The following CCSER1 variants were observed in gnomAD, a reference collection of about 807,000 sequenced individuals.
The protein encoded by CCSER1 is serine-rich coiled-coil domain-containing protein 1.
CCSER1 carries 41 observed loss-of-function variants against 82.0 expected under a neutral mutation model. That is an observed-to-expected ratio of 0.50 (90% confidence interval 0.39 to 0.65). The LOEUF is 0.65. CCSER1 is among the 30% of genes least tolerant of loss of function. The pLI is 0.00. For synonymous variants in CCSER1, 414 were observed against 383.9 expected (o/e 1.08, Z -0.92); for missense variants, 1,119 against 1,064.2 (o/e 1.05, Z -0.72).
In CCSER1 at chr4:91,579,645, A is replaced by G. The variant is rs117649425; in HGVS notation, c.2218-18927A>G. 3.2e-4 allele frequency among the ~76,000 whole-genome samples: 49 copies of G among 151,900 alleles called. 2 individuals are homozygous for G. The East Asian group carries it at 9.3e-3, about 29-fold the overall frequency. ...GCTAGCCATTACATCAAGAGCAGGT[A>G]AATAATATTCATTTTCCTAAACCCT... On this transcript the variant is annotated intron_variant, in intron 10 of 10. Coordinates refer to ENST00000509176, the MANE Select transcript of CCSER1 (RefSeq NM_001145065.2).
At chr4:90,573,157 T>C (rs1198604826) in intron 5 of CCSER1, among the ~76,000 whole-genome samples, 1 of 152,202 alleles carries the variant, frequency 6.6e-6, no homozygotes, top group Admixed American at 6.5e-5. Context: ...CTGTGGCCAA[T>C]ATGGCACATG....
chr4:90,224,457 G>A (rs1464425985), intron 1 of CCSER1, among the ~76,000 whole-genome samples: 3 of 152,132 alleles, frequency 2.0e-5, no homozygotes, highest in Admixed American at 6.5e-5. Context: ...ATCTAGAAGT[G>A]TCTTTTGTGG....
intron 5 of CCSER1, among the ~76,000 whole-genome samples, chr4:90,509,031 A>G (rs570594023): frequency 2.0e-5 from 3 of 152,208 alleles, no homozygotes; most frequent in South Asian, 2.1e-4. Context: ...GTAAATAAAT[A>G]AATCACACAC....
intron 10 of CCSER1, among the ~76,000 whole-genome samples, chr4:91,560,262 G>C (rs1012143428): frequency 1.3e-5 from 2 of 148,478 alleles, no homozygotes; most frequent in East Asian, 4.0e-4. Context: ...ACATTATTTA[G>C]TTTGTGCACT....
At chr4:91,349,682 C>T (rs1351590140) in intron 10 of CCSER1, among the ~76,000 whole-genome samples, 1 of 151,602 alleles carries the variant, frequency 6.6e-6, no homozygotes, top group Admixed American at 6.5e-5. Context: ...TTTTCTCTTC[C>T]CCTGCTGGAA....
intron 5 of CCSER1, among the ~76,000 whole-genome samples, chr4:90,525,966 C>A (rs1364413589): frequency 2.6e-5 from 4 of 152,034 alleles, no homozygotes; most frequent in Non-Finnish European, 1.5e-5. Context: ...TTTGTAGCAT[C>A]TATATTATTA....
intron 4 of CCSER1, 72 bp downstream of exon 4, chr4:90,400,201 C>T: frequency 1.3e-6 from 1 of 758,238 alleles, no homozygotes; most frequent in Non-Finnish European, 2.2e-6. Flanking sequence ...ATAGCCTAAA[C>T]ACTGTTAAGG....
In CCSER1 at chr4:91,325,306, G is replaced by A. The variant is rs1379083222; in HGVS notation, c.2217+239312G>A. 1.1e-5 allele frequency: 4 copies of A among 374,530 alleles called. No individual in the cohort carries two copies. The Admixed American group carries it at 1.5e-4, about 14-fold the overall frequency. The allele number at this position is 374,530 out of a possible 1,614,324, so 23.2% of individuals were successfully genotyped here. ...TTACAAAGGCTTTTTTCCCAAAGAA[G>A]CTTTACTTGGAAAATGAAGCCATTT... On this transcript the variant is annotated intron_variant, in intron 10 of 10. Coordinates refer to ENST00000509176, the MANE Select transcript of CCSER1 (RefSeq NM_001145065.2).
chr4:90,442,460 C>T (rs1760026384), intron 4 of CCSER1, among the ~76,000 whole-genome samples: 2 of 151,676 alleles, frequency 1.3e-5, no homozygotes, highest in African/African-American at 4.9e-5. Context: ...AACTCTAGTT[C>T]CACAGAGTTT....
At chr4:91,188,642 T>C (rs573923352) in intron 10 of CCSER1, among the ~76,000 whole-genome samples, 3 of 152,200 alleles carry the variant, frequency 2.0e-5, no homozygotes, top group Non-Finnish European at 4.4e-5. Context: ...GTCTCAGTCA[T>C]GTTCGCTGGT....
chr4:90,538,730 T>C (rs1483041270), intron 5 of CCSER1, among the ~76,000 whole-genome samples: 1 of 152,098 alleles, frequency 6.6e-6, no homozygotes, highest in Admixed American at 6.5e-5. Context: ...AATTGAAATA[T>C]TTGAAATATT....
At chr4:90,244,866 T>C (rs1227287587) in intron 1 of CCSER1, among the ~76,000 whole-genome samples, 1 of 152,118 alleles carries the variant, frequency 6.6e-6, no homozygotes. Context: ...CTTAGAAATA[T>C]GTTTAGAGGT....
chr4:91,187,037 G>A (rs1245833876), intron 10 of CCSER1, among the ~76,000 whole-genome samples: 1 of 152,222 alleles, frequency 6.6e-6, no homozygotes, highest in African/African-American at 2.4e-5. Flanking sequence ...GGAGTGTCCT[G>A]ATTTTCCAGG....
intron 9 of CCSER1, among the ~76,000 whole-genome samples, chr4:91,068,771 G>T (rs1352045057): frequency 6.6e-6 from 1 of 152,156 alleles, no homozygotes; most frequent in Non-Finnish European, 1.5e-5. Flanking sequence ...TAAAAGAAAA[G>T]CATTGAGACT....
rs1345686159 is a variant in CCSER1 at position 91,605,278 on chromosome 4, A to G, written c.*6221A>G. 6.6e-6 allele frequency: 1 copy of G among 152,118 alleles called. No homozygotes were observed. Among genetic ancestry groups the G allele is most frequent in the Non-Finnish European group, 1.5e-5 (1 of 67,978 alleles). The allele number at this position is 152,118 out of a possible 1,614,324, so 9.4% of individuals were successfully genotyped here. ...AATATGCATATTTCCTGCTCATAAT[A>G]AATTTTAAAACAACAAATTAGTTGT... On this transcript the variant is annotated 3_prime_UTR_variant, in exon 11 of 11. Coordinates refer to ENST00000509176, the MANE Select transcript of CCSER1 (RefSeq NM_001145065.2).
Position 90,932,958 on chromosome 4 carries a change from GAAAGAAAGAAAGAAAGAAAGAAAGAGAA to G in CCSER1, c.2172+9513_2172+9540del, listed in dbSNP as rs1561384557. On this transcript the variant is annotated intron_variant, in intron 9 of 10. Coordinates refer to ENST00000509176, the MANE Select transcript of CCSER1 (RefSeq NM_001145065.2). ...AGAAAGAAAGAAAGAAAGAAAGAAA[GAAAGAAAGAAAGAAAGAAAGAAAGAGAA>G]AGAAAGAAAGAAAGAAAGAAAGAAA... Among the ~76,000 whole-genome samples the G allele has an allele frequency of 5.9e-4, 20 of 33,860 alleles. 4 individuals are homozygous for G. Among genetic ancestry groups the G allele is most frequent in the African/African-American group, 3.5e-3 (17 of 4,856 alleles). 22.2% of individuals were successfully genotyped at this position (33,860 alleles called of 152,430 possible).
chr4:91,357,886 C>CA (rs1560609562), intron 10 of CCSER1, among the ~76,000 whole-genome samples: 1 of 67,536 alleles, frequency 1.5e-5, no homozygotes, highest in Non-Finnish European at 3.2e-5. Flanking sequence ...GCCCCCCCCC[C>CA]CTTTTTTTTT....
intron 7 of CCSER1, among the ~76,000 whole-genome samples, chr4:90,724,450 CATATT>C (rs1743272225): frequency 6.6e-6 from 1 of 151,772 alleles, no homozygotes; most frequent in African/African-American, 2.4e-5. Context: ...TTCCACCAAA[CATATT>C]GTATTTAATA....
chr4:90,279,763 T>C (rs866614172), intron 1 of CCSER1, among the ~76,000 whole-genome samples: 3 of 152,046 alleles, frequency 2.0e-5, no homozygotes, highest in Non-Finnish European at 4.4e-5. Flanking sequence ...TATGCTGTTA[T>C]AGGATAAAAT....
Sources: gnomAD v4.1 joint callset for allele counts (sites outside exome capture counted in the v4.1 genomes callset) on GRCh38, gnomAD v4.1.1 for gene constraint, MANE v1.5 for transcripts, NCBI Gene and HGNC (gene_info 2026-07-23, HGNC 2026-07-21) for gene names.